Variants in FCN1 observed in about 807,000 individuals in gnomAD.
FCN1 encodes the protein ficolin 1.
A neutral mutation model predicts 35.6 loss-of-function variants in FCN1; 42 were observed. That is an observed-to-expected ratio of 1.18 (90% confidence interval 0.92 to 1.53). The LOEUF (loss-of-function observed/expected upper bound fraction) is 1.53, where lower values mean the gene tolerates loss of function less well. Among genes scored for constraint, FCN1 ranks in the 40% most tolerant of loss-of-function variants. The pLI is 0.00. For synonymous variants in FCN1, 179 were observed against 169.8 expected (o/e 1.05, Z -0.42); for missense variants, 439 against 428.4 (o/e 1.02, Z -0.22).
At position 134,917,797 on chromosome 9, in the gene FCN1, C is replaced by T. The variant is rs141185154; in HGVS notation, c.75G>A (p.Leu25=). The T allele has an allele frequency of 1.1e-3, 1,791 of 1,613,886 alleles. 7 individuals are homozygous for T. The highest frequency in any genetic ancestry group is 9.6e-4 in the Non-Finnish European group (1,134 of 1,179,860). ...GACATGTGTCCGCAGCCTGGGCAGG[C>T]AGGTTCTTGATATGCAGGAACAAGA... ...LLVLFLHIKN[L]PAQAADTCPE... The change falls in exon 1 of 9, where the codon CTG becomes CTA. Residue 25 remains leucine, a synonymous_variant. Coordinates refer to ENST00000371806, the MANE Select transcript of FCN1 (RefSeq NM_002003.5).
intron 4 of FCN1, 105 bp from the exon 5 acceptor site, chr9:134,913,718 G>C (rs1831056798): frequency 1.2e-6 from 1 of 824,394 alleles, no homozygotes; most frequent in South Asian, 1.9e-5. Flanking sequence ...GGCAAAGGCA[G>C]CTCCTCTGAT....
intron 1 of FCN1, among the ~76,000 whole-genome samples, chr9:134,917,019 T>C (rs1044743631): frequency 1.3e-5 from 2 of 152,206 alleles, no homozygotes; most frequent in Non-Finnish European, 2.9e-5. Context: ...AGTTGTTTAC[T>C]TCTTTGAAAA....
At position 134,914,802 on chromosome 9, in the gene FCN1, G is replaced by C; in HGVS notation, c.225C>G (p.Arg75=). ...EAGVIGERGE[R]GLPGAPGKAG... Reference sequence around the variant, plus strand: ...CCTTTCCAGGGGCTCCAGGGAGACCGCGTTCTCCTGAAAATTCCAAAGACA... The same window carrying C: ...CCTTTCCAGGGGCTCCAGGGAGACCCCGTTCTCCTGAAAATTCCAAAGACA... The change falls in exon 3 of 9, where the codon CGC becomes CGG. Residue 75 remains arginine, a synonymous_variant. Transcript: ENST00000371806. 1 of 1,611,522 alleles carries C rather than the reference G, an allele frequency of 6.2e-7. No individual in the cohort carries two copies. Among genetic ancestry groups the C allele is most frequent in the Non-Finnish European group, 8.5e-7 (1 of 1,178,392 alleles).
chr9:134,917,139 G>A (rs1343054540), intron 1 of FCN1, among the ~76,000 whole-genome samples: 1 of 152,220 alleles, frequency 6.6e-6, no homozygotes, highest in African/African-American at 2.4e-5. Context: ...TGCCATTTTT[G>A]GGGTATTTCC....
At chr9:134,914,881 A>G (rs1831072285) in intron 2 of FCN1, 72 bp from the exon 3 acceptor site, 3 of 1,256,406 alleles carry the variant, frequency 2.4e-6, no homozygotes, top group Admixed American at 3.8e-5. Flanking sequence ...CTTTGCCCCA[A>G]GTGGTTAAGT....
rs1564215556 is a variant in FCN1 at position 134,905,913 on chromosome 9, T to TTCTCCTTCTC, written c.*3884_*3885insGAGAAGGAGA. On this transcript the variant is annotated 3_prime_UTR_variant, in exon 9 of 9. Transcript: ENST00000371806. ...TTCTTCTTCTTCTTCTTCTTCTTCTTCTTCTTCTTCTCCCTCTCCCTCTCC... is the reference window on the plus strand; with the variant it reads ...TTCTTCTTCTTCTTCTTCTTCTTCTTTCTCCTTCTCCTTCTTCTTCTCCCTCTCCCTCTCC... 1,121 of 89,730 alleles carry TTCTCCTTCTC rather than the reference T, an allele frequency of 0.012. 26 individuals are homozygous for TTCTCCTTCTC. The highest frequency in any genetic ancestry group is 0.019 in the Middle Eastern group (4 of 210). 5.6% of individuals were successfully genotyped at this position (89,730 alleles called of 1,614,324 possible). A position where few individuals can be genotyped will look rare whatever the true frequency, so the allele number is the denominator to read the frequency against.
At chr9:134,910,153 A>C (rs1831005226) in intron 8 of FCN1, 108 bp from the exon 9 acceptor site, 2 of 1,058,000 alleles carry the variant, frequency 1.9e-6, no homozygotes, top group Non-Finnish European at 2.9e-6. Flanking sequence ...TTAGCGACGC[A>C]TGAGCCGAGC....
At chr9:134,911,004 G>A in intron 8 of FCN1, 129 bp downstream of exon 8, 1 of 972,052 alleles carries the variant, frequency 1.0e-6, no homozygotes, top group East Asian at 2.4e-5. Context: ...ACAAATGCTA[G>A]TGTCTGCTTC....
rs7852656 is a variant in FCN1, at chr9:134,915,615, G to T, written c.217+733C>A. Among the ~76,000 whole-genome samples, 1,511 of 152,262 alleles carry T rather than the reference G, an allele frequency of 9.9e-3. 24 individuals are homozygous for T. Among genetic ancestry groups the T allele is most frequent in the African/African-American group, 0.035 (1,456 of 41,546 alleles). On this transcript the variant is annotated intron_variant, in intron 2 of 8. Coordinates refer to ENST00000371806, the MANE Select transcript of FCN1 (RefSeq NM_002003.5). Reference sequence around the variant, plus strand: ...GACACCCACACGGAAGCCTAGACACGTCAGTGAAAGTCCAAGTCATAGGGA... The same window carrying T: ...GACACCCACACGGAAGCCTAGACACTTCAGTGAAAGTCCAAGTCATAGGGA...
At chr9:134,915,998 A>G (rs1196043340) in intron 2 of FCN1, among the ~76,000 whole-genome samples, 1 of 152,234 alleles carries the variant, frequency 6.6e-6, no homozygotes, top group Non-Finnish European at 1.5e-5. Context: ...AGGCAGGTGC[A>G]GAAGAAAGCG....
chr9:134,903,328 T>C lies in FCN1; in HGVS notation c.*6470A>G, dbSNP rs184835142. Among the ~76,000 whole-genome samples, 1 of 152,306 alleles carries C rather than the reference T, an allele frequency of 6.6e-6. No homozygotes were observed. The highest frequency in any genetic ancestry group is 1.9e-4 in the East Asian group (1 of 5,190). On this transcript the variant is annotated 3_prime_UTR_variant, in exon 9 of 9. Coordinates refer to ENST00000371806, the MANE Select transcript of FCN1 (RefSeq NM_002003.5). ...AAAACATATTCTTTTCAAGTTCAAA[T>C]TGAACTTTCACCAACATAGACCATA...
chr9:134,905,921 T>TTCTTCC lies in FCN1; in HGVS notation c.*3876_*3877insGGAAGA, dbSNP rs1830951078. The TTCTTCC allele has an allele frequency of 7.2e-5, 5 of 69,000 alleles. No individual in the cohort carries two copies. The highest frequency in any genetic ancestry group is 1.2e-4 in the Non-Finnish European group (5 of 40,128). 4.3% of individuals were successfully genotyped at this position (69,000 alleles called of 1,614,324 possible). A position where few individuals can be genotyped will look rare whatever the true frequency, so the allele number is the denominator to read the frequency against. On this transcript the variant is annotated 3_prime_UTR_variant, in exon 9 of 9. Transcript: ENST00000371806. The stretch of plus-strand genomic sequence containing the variant: ...CTTCTTCTTCTTCTTCTTCTTCTTC[T>TTCTTCC]TCTCCCTCTCCCTCTCCCTCTCCCT...
At position 134,908,252 on chromosome 9, in the gene FCN1, C is replaced by T. The variant is rs1244196305; in HGVS notation, c.*1546G>A. On this transcript the variant is annotated 3_prime_UTR_variant, in exon 9 of 9. Coordinates refer to ENST00000371806, the MANE Select transcript of FCN1 (RefSeq NM_002003.5). ...TCATCTTCTGTGAAGTGTCTGTTCACATCTCATACCTTTTTTTATTTAACT... is the reference window on the plus strand; with the variant it reads ...TCATCTTCTGTGAAGTGTCTGTTCATATCTCATACCTTTTTTTATTTAACT... 6.6e-6 allele frequency: 1 copy of T among 152,216 alleles called. No individual in the cohort carries two copies. Among genetic ancestry groups the T allele is most frequent in the Non-Finnish European group, 1.5e-5 (1 of 68,044 alleles). The allele number at this position is 152,216 out of a possible 1,614,324, so 9.4% of individuals were successfully genotyped here.
intron 2 of FCN1, among the ~76,000 whole-genome samples, chr9:134,915,328 G>A (rs374744450): frequency 6.6e-5 from 10 of 152,258 alleles, no homozygotes; most frequent in South Asian, 4.2e-4. Flanking sequence ...TGACCCTCCC[G>A]TCCCCGATGC....
chr9:134,911,379 T>C lies in FCN1; in HGVS notation c.599-112A>G, dbSNP rs191183198. ...TTTTTTTTGAGACAGAGTTCCGCTC[T>C]TGTTGCCCAGGCTGGAGTGCAATGG... On this transcript the variant is annotated intron_variant, in intron 7 of 8. Transcript: ENST00000371806. 7.9e-4 allele frequency: 743 copies of C among 935,984 alleles called. 1 individual carries two copies. Among genetic ancestry groups the C allele is most frequent in the Middle Eastern group, 1.4e-3 (4 of 2,870 alleles). 58.0% of individuals were successfully genotyped at this position (935,984 alleles called of 1,614,324 possible).
intron 1 of FCN1, among the ~76,000 whole-genome samples, chr9:134,916,711 G>T (rs897771943): frequency 1.3e-5 from 2 of 152,258 alleles, no homozygotes; most frequent in Non-Finnish European, 2.9e-5. Flanking sequence ...GCCAAGCGGG[G>T]ATAATAACAA....
rs779571708 is a variant in FCN1, at chr9:134,913,023, C to G, written c.461G>C (p.Gly154Ala). The change falls in exon 6 of 9, where the codon GGC becomes GCC. Residue 154 changes from glycine to alanine, a missense_variant. Gly to Ala is a moderately conservative substitution (Grantham distance 60). Coordinates refer to ENST00000371806, the MANE Select transcript of FCN1 (RefSeq NM_002003.5). ...GCCCAGCCCCACACTCACGGTCCAG[C>G]CCCCTCCGTCCGTGTCCATGTCACA... ...VLCDMDTDGG[G>A]WTVFQRRMDG... 1 of 1,611,246 alleles carries G rather than the reference C, an allele frequency of 6.2e-7. No individual in the cohort carries two copies.
chr9:134,909,813 C>A lies in FCN1; in HGVS notation c.966G>T (p.Lys322Asn). Residue 322 changes from lysine (K) to asparagine (N), a missense_variant, in exon 9 of 9, where the codon AAG becomes AAT. Coordinates refer to ENST00000371806, the MANE Select transcript of FCN1 (RefSeq NM_002003.5). The part of the protein sequence containing the change: ...YKYSYKVSEM[K>N]VRPA ...CCTGGCCCGTCTAGGCGGGCCGCAC[C>A]TTCATCTCTGACACCTTGTAGCTAT... The A allele has an allele frequency of 6.2e-7, 1 of 1,613,788 alleles. No homozygotes were observed. The highest frequency in any genetic ancestry group is 8.5e-7 in the Non-Finnish European group (1 of 1,179,984).
rs78549259 is a variant in FCN1 at position 134,909,168 on chromosome 9, G to T, written c.*630C>A. 1.6e-6 allele frequency: 2 copies of T among 1,264,814 alleles called. No homozygotes were observed. The highest frequency in any genetic ancestry group is 1.0e-6 in the Non-Finnish European group (1 of 969,392). 78.3% of individuals were successfully genotyped at this position (1,264,814 alleles called of 1,614,324 possible). ...TCTCTGTGCAGGTGGCTGACCAGGC[G>T]CTCACTTAGTGAGTGCTAAGTGTTT... On this transcript the variant is annotated 3_prime_UTR_variant, in exon 9 of 9. Coordinates refer to ENST00000371806, the MANE Select transcript of FCN1 (RefSeq NM_002003.5).
Sources: allele counts gnomAD v4.1 joint callset (sites outside exome capture counted in the v4.1 genomes callset), GRCh38; gene constraint gnomAD v4.1.1; transcripts MANE v1.5; gene names NCBI Gene and HGNC (gene_info 2026-07-23, HGNC 2026-07-21).